Variants in UPP2 observed in about 807,000 individuals in gnomAD.
The protein encoded by UPP2 is uridine phosphorylase 2.
Under a neutral mutation model 26.7 loss-of-function variants are expected in UPP2, and 23 were observed. That is an observed-to-expected ratio of 0.86 (90% CI 0.62 to 1.22). UPP2 has a LOEUF of 1.22. Among genes scored for constraint, UPP2 ranks in the 50% most tolerant of loss-of-function variants. UPP2 has a pLI of 0.00. For missense variants in UPP2, 387 were observed against 396.7 expected, an observed-to-expected ratio of 0.98 and a Z score of 0.21; for synonymous variants, 127 against 141.3, an observed-to-expected ratio of 0.90 and a Z score of 0.72.
chr2:158,042,910 C>A (rs536733954), intron 3 of UPP2, among the ~76,000 whole-genome samples: 1 of 152,164 alleles, frequency 6.6e-6, no homozygotes, highest in Non-Finnish European at 1.5e-5. Flanking sequence ...AGGCCCCTGC[C>A]GAGCCTTTTC....
At chr2:158,023,176 A>G in intron 3 of UPP2, among the ~76,000 whole-genome samples, 1 of 121,168 alleles carries the variant, frequency 8.3e-6, no homozygotes, top group Non-Finnish European at 1.7e-5. Flanking sequence ...AAGTCTTTGG[A>G]GAATAGTGCA....
chr2:158,023,680 G>A (rs1683791014), intron 3 of UPP2, among the ~76,000 whole-genome samples: 1 of 152,130 alleles, frequency 6.6e-6, no homozygotes, highest in South Asian at 2.1e-4. Flanking sequence ...GGGTGATGGA[G>A]TAGCCAGCAG....
At chr2:158,090,539 A>C (rs896962939) in intron 3 of UPP2, among the ~76,000 whole-genome samples, 15 of 152,234 alleles carry the variant, frequency 9.9e-5, no homozygotes, top group Non-Finnish European at 2.1e-4. Context: ...ACAAACAAAC[A>C]AACCAAATGT....
intron 3 of UPP2, among the ~76,000 whole-genome samples, chr2:158,081,827 A>G (rs2105195221): frequency 6.6e-6 from 1 of 152,200 alleles, no homozygotes; most frequent in African/African-American, 2.4e-5. Flanking sequence ...GGGGAGGGGG[A>G]AAAGTAAAGA....
intron 3 of UPP2, among the ~76,000 whole-genome samples, chr2:158,029,338 G>A (rs574034168): frequency 2.0e-5 from 3 of 152,342 alleles, no homozygotes; most frequent in East Asian, 1.9e-4. Context: ...AGCAGATGCT[G>A]TGTTGACTGA....
At chr2:158,035,987 A>G (rs961700348) in intron 3 of UPP2, among the ~76,000 whole-genome samples, 2 of 152,178 alleles carry the variant, frequency 1.3e-5, no homozygotes, top group African/African-American at 2.4e-5. Context: ...AAAATTTACC[A>G]AGCTCCTGGA....
chr2:158,067,750 T>A (rs1273103706), intron 3 of UPP2, among the ~76,000 whole-genome samples: 1 of 152,138 alleles, frequency 6.6e-6, no homozygotes, highest in Non-Finnish European at 1.5e-5. Context: ...TGATTGGAGG[T>A]ACATTTTATT....
intron 1 of UPP2, among the ~76,000 whole-genome samples, chr2:158,104,604 T>C (rs1031354606): frequency 5.9e-5 from 9 of 151,914 alleles, no homozygotes; most frequent in African/African-American, 1.9e-4. Context: ...CCTGGTAAAA[T>C]GTTTTGAGGT....
chr2:158,049,153 T>C (rs1477718444), intron 3 of UPP2, among the ~76,000 whole-genome samples: 1 of 152,234 alleles, frequency 6.6e-6, no homozygotes, highest in African/African-American at 2.4e-5. Flanking sequence ...CACTGGGTTC[T>C]AAAATAATGG....
intron 2 of UPP2, among the ~76,000 whole-genome samples, chr2:158,013,843 C>T (rs1158871678): frequency 1.3e-5 from 2 of 152,188 alleles, no homozygotes; most frequent in Admixed American, 6.5e-5. Flanking sequence ...CTTGTGTGAA[C>T]GACAAGCCCA....
intron 2 of UPP2, among the ~76,000 whole-genome samples, chr2:158,003,893 C>G (rs898659442): frequency 1.3e-5 from 2 of 151,990 alleles, no homozygotes; most frequent in African/African-American, 2.4e-5. Context: ...CAACATTTCT[C>G]TAAGTGCTGG....
chr2:158,096,730 T>G (rs140569424), intron 3 of UPP2, among the ~76,000 whole-genome samples: 1,761 of 152,286 alleles, frequency 0.012, 37 homozygotes, highest in African/African-American at 0.039. Context: ...CTAACAATAA[T>G]TTGATATCAT....
chr2:158,072,711 C>G (rs1029511590), intron 3 of UPP2, among the ~76,000 whole-genome samples: 2 of 152,172 alleles, frequency 1.3e-5, no homozygotes, highest in African/African-American at 2.4e-5. Flanking sequence ...GGGAAGAGAA[C>G]AAGAATTCTG....
chr2:158,088,863 G>A (rs1270052557), intron 3 of UPP2, among the ~76,000 whole-genome samples: 1 of 152,220 alleles, frequency 6.6e-6, no homozygotes, highest in African/African-American at 2.4e-5. Context: ...GTAGATAACA[G>A]TATCTGCTCT....
At chr2:158,089,947 C>A (rs1012837270) in intron 3 of UPP2, among the ~76,000 whole-genome samples, 3 of 152,112 alleles carry the variant, frequency 2.0e-5, no homozygotes, top group African/African-American at 7.2e-5. Flanking sequence ...AGCAAAAGTT[C>A]ATGATGTTAG....
intron 3 of UPP2, chr2:158,065,927 T>A: frequency 1.8e-6 from 1 of 548,302 alleles, no homozygotes; most frequent in Non-Finnish European, 3.4e-6. Flanking sequence ...AAGATGATGA[T>A]GCAGTACAAT....
intron 6 of UPP2, among the ~76,000 whole-genome samples, chr2:158,129,728 G>A (rs1683770288): frequency 6.6e-6 from 1 of 151,392 alleles, no homozygotes; most frequent in African/African-American, 2.4e-5. Flanking sequence ...AAAAAAATAG[G>A]AGGCATTTAT....
intron 3 of UPP2, among the ~76,000 whole-genome samples, chr2:158,034,679 G>A (rs978214883): frequency 2.0e-5 from 3 of 152,180 alleles, no homozygotes; most frequent in East Asian, 1.9e-4. Flanking sequence ...GACTAATTAC[G>A]CATAGTGAAT....
chr2:158,076,456 T>TA (rs768291326), intron 3 of UPP2, among the ~76,000 whole-genome samples: 28 of 152,016 alleles, frequency 1.8e-4, no homozygotes, highest in Non-Finnish European at 3.7e-4. Flanking sequence ...ACAATACAGT[T>TA]AAAAGACTGT....
Sources: allele counts gnomAD v4.1 joint callset (sites outside exome capture counted in the v4.1 genomes callset), GRCh38; gene constraint gnomAD v4.1.1; transcripts MANE v1.5; gene names NCBI Gene and HGNC (gene_info 2026-07-23, HGNC 2026-07-21).